Variants in RORB observed in about 807,000 individuals in gnomAD.
RORB encodes the protein RAR related orphan receptor B, also known as nuclear receptor ROR-beta.
Under a neutral mutation model 59.1 loss-of-function variants are expected in RORB, and 6 were observed. That is an observed-to-expected ratio of 0.10 (90% CI 0.06 to 0.20). The LOEUF (loss-of-function observed/expected upper bound fraction) is 0.20, where lower values mean the gene tolerates loss of function less well. Among genes scored for constraint, RORB ranks in the 10% least tolerant of loss-of-function variants. The pLI is 1.00. For missense variants in RORB, 320 were observed against 560.5 expected, an observed-to-expected ratio of 0.57 and a Z score of 4.33; for synonymous variants, 215 against 204.5, an observed-to-expected ratio of 1.05 and a Z score of -0.44.
rs150077925 is a variant in RORB at position 74,509,773 on chromosome 9, G to A, written c.7+11790G>A. Among the ~76,000 whole-genome samples the A allele has an allele frequency of 6.4e-4, 98 of 152,110 alleles. 1 individual carries two copies. Among genetic ancestry groups the A allele is most frequent in the African/African-American group, 2.2e-3 (93 of 41,520 alleles). ...AGGCCTATTATCATCCTTCTGTGTT[G>A]TGTACAAGCATAAGATGTTTTCTTA... On this transcript the variant is annotated intron_variant, in intron 1 of 9. Coordinates refer to ENST00000376896, the MANE Select transcript of RORB (RefSeq NM_006914.4).
At position 74,688,828 on chromosome 9, in the gene RORB, G is replaced by C. The variant is rs1241476536; in HGVS notation, c.*3210G>C. Reference sequence around the variant, plus strand: ...CTGCTAAGAGCCAAATAATCTAGCTGTCCCATTCAGAGGAATTTTTATCTC... The same window carrying C: ...CTGCTAAGAGCCAAATAATCTAGCTCTCCCATTCAGAGGAATTTTTATCTC... On this transcript the variant is annotated 3_prime_UTR_variant, in exon 10 of 10. Coordinates refer to ENST00000376896, the MANE Select transcript of RORB (RefSeq NM_006914.4). 6.6e-6 allele frequency: 1 copy of C among 152,138 alleles called. No individual in the cohort carries two copies. The allele number at this position is 152,138 out of a possible 1,614,324, so 9.4% of individuals were successfully genotyped here.
chr9:74,641,175 C>T (rs1427473727), intron 3 of RORB, among the ~76,000 whole-genome samples: 1 of 152,172 alleles, frequency 6.6e-6, no homozygotes, highest in Non-Finnish European at 1.5e-5. Flanking sequence ...CTGAACAATG[C>T]TTGATAATTC....
Position 74,685,681 on chromosome 9 carries a change from T to C in RORB, c.*63T>C. 1 of 1,323,500 alleles carries C rather than the reference T, an allele frequency of 7.6e-7. No individual in the cohort carries two copies. The highest frequency in any genetic ancestry group is 1.0e-6 in the Non-Finnish European group (1 of 989,318). The allele number at this position is 1,323,500 out of a possible 1,614,324, so 82.0% of individuals were successfully genotyped here. On this transcript the variant is annotated 3_prime_UTR_variant, in exon 10 of 10. Coordinates refer to ENST00000376896, the MANE Select transcript of RORB (RefSeq NM_006914.4). Reference sequence around the variant, plus strand: ...TCACCATTAAGACAAAAGCAATGTGTTCATGAAGACTTAAGAAAAATGTCA... The same window carrying C: ...TCACCATTAAGACAAAAGCAATGTGCTCATGAAGACTTAAGAAAAATGTCA...
intron 2 of RORB, among the ~76,000 whole-genome samples, chr9:74,633,387 CA>C (rs975612850): frequency 1.3e-5 from 2 of 152,154 alleles, no homozygotes; most frequent in African/African-American, 4.8e-5. Flanking sequence ...GGCTTCTCTG[CA>C]AGATAGGCAT....
At chr9:74,559,566 A>G (rs988294919) in intron 1 of RORB, among the ~76,000 whole-genome samples, 32 of 152,122 alleles carry the variant, frequency 2.1e-4, no homozygotes, top group African/African-American at 7.2e-4. Flanking sequence ...GACTTTGCAC[A>G]TTATTGATAG....
chr9:74,532,840 A>G (rs1443115514), intron 1 of RORB, among the ~76,000 whole-genome samples: 1 of 135,086 alleles, frequency 7.4e-6, no homozygotes, highest in African/African-American at 2.7e-5. Flanking sequence ...ATATATATAC[A>G]CATATATATA....
chr9:74,540,568 A>G (rs528428723), intron 1 of RORB, among the ~76,000 whole-genome samples: 10 of 152,344 alleles, frequency 6.6e-5, no homozygotes, highest in Middle Eastern at 3.4e-3. Context: ...TACAAAAGAT[A>G]GAATATAATA....
At chr9:74,568,301 GA>G (rs1302291832) in intron 1 of RORB, among the ~76,000 whole-genome samples, 1 of 151,418 alleles carries the variant, frequency 6.6e-6, no homozygotes, top group Non-Finnish European at 1.5e-5. Context: ...AAATTATTGT[GA>G]TTTTTTTAGG....
intron 1 of RORB, among the ~76,000 whole-genome samples, chr9:74,512,916 AACAG>A (rs2118044842): frequency 6.6e-6 from 1 of 152,298 alleles, no homozygotes; most frequent in East Asian, 1.9e-4. Context: ...TGCAGTAAAA[AACAG>A]ACAATTTGAA....
At position 74,660,687 on chromosome 9, in the gene RORB, G is replaced by A; in HGVS notation, c.708G>A (p.Gln236=). Residue 236 remains glutamine (Q), a synonymous_variant, in exon 5 of 10, where the codon CAG becomes CAA. Transcript: ENST00000376896. ...TCQYTMEELH[Q]LAWQTHTYEE... ...AATACACCATGGAAGAGCTGCACCA[G>A]CTGGCGTGGCAGACCCACACCTATG... The A allele has an allele frequency of 6.2e-7, 1 of 1,613,946 alleles. No individual in the cohort carries two copies. The highest frequency in any genetic ancestry group is 8.5e-7 in the Non-Finnish European group (1 of 1,179,908).
At position 74,682,733 on chromosome 9, in the gene RORB, T is replaced by A. The variant is rs150427837; in HGVS notation, c.1225-2730T>A. 4.8e-3 allele frequency among the ~76,000 whole-genome samples: 733 copies of A among 152,312 alleles called. 7 individuals carry two copies. The highest frequency in any genetic ancestry group is 0.014 in the African/African-American group (596 of 41,574). On this transcript the variant is annotated intron_variant, in intron 9 of 9. Coordinates refer to ENST00000376896, the MANE Select transcript of RORB (RefSeq NM_006914.4). ...TTCTACACTTAGTTCAGAGGACTGT[T>A]TCAAATTCAATGTATAATTTACTTT...
At chr9:74,646,438 A>C (rs1421131347) in intron 4 of RORB, among the ~76,000 whole-genome samples, 1 of 152,206 alleles carries the variant, frequency 6.6e-6, no homozygotes, top group African/African-American at 2.4e-5. Context: ...TCTCCCAAAA[A>C]AACAAACTTG....
chr9:74,562,854 A>G (rs1822416034), intron 1 of RORB, among the ~76,000 whole-genome samples: 6 of 152,206 alleles, frequency 3.9e-5, no homozygotes, highest in Admixed American at 3.3e-4. Context: ...AGATTTCCCA[A>G]TTATTAACAC....
chr9:74,655,749 C>T (rs1422386510), intron 4 of RORB, among the ~76,000 whole-genome samples: 1 of 152,166 alleles, frequency 6.6e-6, no homozygotes, highest in Non-Finnish European at 1.5e-5. Flanking sequence ...AAACCATCTC[C>T]TTGGACATTC....
intron 1 of RORB, among the ~76,000 whole-genome samples, chr9:74,579,511 G>T (rs1393771143): frequency 6.6e-6 from 1 of 151,934 alleles, no homozygotes; most frequent in Non-Finnish European, 1.5e-5. Flanking sequence ...TCCTGGTTTT[G>T]TTAAAAGCTA....
chr9:74,613,120 A>G (rs752450380), intron 1 of RORB, among the ~76,000 whole-genome samples: 2 of 152,218 alleles, frequency 1.3e-5, no homozygotes, highest in Non-Finnish European at 2.9e-5. Context: ...GCCAAAATGC[A>G]TATCTCCACG....
intron 1 of RORB, among the ~76,000 whole-genome samples, chr9:74,539,451 T>C (rs999362085): frequency 6.6e-6 from 1 of 152,188 alleles, no homozygotes; most frequent in Non-Finnish European, 1.5e-5. Flanking sequence ...CAAAATGTCA[T>C]GTACAAAATT....
chr9:74,533,215 C>A (rs1798894590), intron 1 of RORB, among the ~76,000 whole-genome samples: 1 of 152,040 alleles, frequency 6.6e-6, no homozygotes, highest in East Asian at 1.9e-4. Flanking sequence ...AACGTAACTT[C>A]CCCATGAGGA....
rs113974334 is a variant in RORB, at chr9:74,510,191, T to C, written c.7+12208T>C. On this transcript the variant is annotated intron_variant, in intron 1 of 9. Transcript: ENST00000376896. ...TATAGAATGGTCCTGACACCCACAA[T>C]TTGACTAAATTTGACCACAGATGCT... Among the ~76,000 whole-genome samples the C allele has an allele frequency of 9.9e-3, 1,506 of 152,236 alleles. 38 individuals carry two copies. Among genetic ancestry groups the C allele is most frequent in the African/African-American group, 0.035 (1,447 of 41,554 alleles).
Sources: gnomAD v4.1 joint callset for allele counts (sites outside exome capture counted in the v4.1 genomes callset) on GRCh38, gnomAD v4.1.1 for gene constraint, MANE v1.5 for transcripts, NCBI Gene and HGNC (gene_info 2026-07-23, HGNC 2026-07-21) for gene names.